SDK1: variants seen among roughly 807,000 people sequenced by gnomAD.
SDK1 encodes the protein sidekick cell adhesion molecule 1, also known as protein sidekick-1.
Under a neutral mutation model 245.5 loss-of-function variants are expected in SDK1, and 157 were observed. The observed-to-expected ratio is 0.64, with a 90% CI of 0.56 to 0.73. SDK1 has a LOEUF of 0.73. Among genes scored for constraint, SDK1 ranks in the 30% least tolerant of loss-of-function variants. SDK1 has a pLI of 0.00. For synonymous variants in SDK1, 1,647 were observed against 1,278.5 expected, an observed-to-expected ratio of 1.29 and a Z score of -6.15; for missense variants, 3,583 against 3,002.3, an observed-to-expected ratio of 1.19 and a Z score of -4.52.
intron 1 of SDK1, among the ~76,000 whole-genome samples, chr7:3,357,512 G>C (rs1780837107): frequency 6.6e-6 from 1 of 151,186 alleles, no homozygotes; most frequent in African/African-American, 2.4e-5. Flanking sequence ...ACGATACCTG[G>C]CTTAATTTTT....
chr7:3,520,807 A>T (rs55933090), intron 1 of SDK1, among the ~76,000 whole-genome samples: 1 of 151,952 alleles, frequency 6.6e-6, no homozygotes, highest in African/African-American at 2.4e-5. Flanking sequence ...TGTCCTGCCT[A>T]CCTTTTTATT....
At chr7:3,580,431 G>C (rs1347659032) in intron 1 of SDK1, among the ~76,000 whole-genome samples, 1 of 152,132 alleles carries the variant, frequency 6.6e-6, no homozygotes, top group African/African-American at 2.4e-5. Context: ...TATGGTACTT[G>C]TACAAAGACA....
chr7:3,715,430 C>A (rs1562391435), intron 4 of SDK1, among the ~76,000 whole-genome samples: 1 of 152,174 alleles, frequency 6.6e-6, no homozygotes, highest in African/African-American at 2.4e-5. Context: ...CCACCAGCAA[C>A]TGATAGCCCA....
At chr7:4,163,118 G>C (rs1781268399) in intron 32 of SDK1, among the ~76,000 whole-genome samples, 1 of 152,252 alleles carries the variant, frequency 6.6e-6, no homozygotes, top group South Asian at 2.1e-4. Context: ...CTGGCCCACA[G>C]GGAGGTTCCT....
intron 4 of SDK1, among the ~76,000 whole-genome samples, chr7:3,664,037 C>A (rs1783448905): frequency 7.3e-6 from 1 of 137,890 alleles, no homozygotes; most frequent in Non-Finnish European, 1.6e-5. Context: ...TGTACCTTCA[C>A]TCTAGTTTAT....
intron 4 of SDK1, among the ~76,000 whole-genome samples, chr7:3,766,332 T>C (rs76483175): frequency 0.022 from 3,402 of 152,290 alleles, 128 homozygotes; most frequent in African/African-American, 0.079. Flanking sequence ...CAAACGTTAT[T>C]AATTGCAAAG....
chr7:3,723,826 A>G (rs1397785056), intron 4 of SDK1, among the ~76,000 whole-genome samples: 1 of 148,462 alleles, frequency 6.7e-6, no homozygotes, highest in Non-Finnish European at 1.5e-5. Flanking sequence ...GTACATATAC[A>G]TATACACGTG....
At chr7:4,040,400 A>G (rs890000940) in intron 17 of SDK1, among the ~76,000 whole-genome samples, 7 of 152,120 alleles carry the variant, frequency 4.6e-5, no homozygotes, top group Non-Finnish European at 8.8e-5. Context: ...ACTTACACAC[A>G]AGTCGAACCA....
chr7:3,828,294 A>G (rs1213131284), intron 5 of SDK1, among the ~76,000 whole-genome samples: 1 of 151,976 alleles, frequency 6.6e-6, no homozygotes, highest in Non-Finnish European at 1.5e-5. Flanking sequence ...AAATAATAAT[A>G]ATAAATAAAT....
chr7:3,378,188 GC>G (rs1256793423), intron 1 of SDK1, among the ~76,000 whole-genome samples: 3 of 152,128 alleles, frequency 2.0e-5, no homozygotes, highest in African/African-American at 7.2e-5. Context: ...TCTTTCGGGG[GC>G]TACAATTAAC....
intron 5 of SDK1, among the ~76,000 whole-genome samples, chr7:3,902,274 T>C (rs556126309): frequency 6.6e-6 from 1 of 152,316 alleles, no homozygotes; most frequent in South Asian, 2.1e-4. Flanking sequence ...CACAGGGTTC[T>C]TCCTCTCCTC....
At chr7:3,479,707 C>G (rs1025796773) in intron 1 of SDK1, among the ~76,000 whole-genome samples, 1 of 151,566 alleles carries the variant, frequency 6.6e-6, no homozygotes, top group African/African-American at 2.4e-5. Flanking sequence ...ACTAAAAATA[C>G]AAAATTTAGC....
intron 2 of SDK1, among the ~76,000 whole-genome samples, chr7:3,634,024 T>A (rs60281960): frequency 0.069 from 10,502 of 152,192 alleles, 733 homozygotes; most frequent in East Asian, 0.35. Flanking sequence ...CCTTTAGCCC[T>A]CTTCCTGGGC....
chr7:3,709,600 T>G (rs111482319), intron 4 of SDK1, among the ~76,000 whole-genome samples: 2 of 152,350 alleles, frequency 1.3e-5, no homozygotes, highest in African/African-American at 4.8e-5. Context: ...ATTCCTTCAT[T>G]GTTTCTTGGA....
chr7:4,098,307 C>T (rs146435763), intron 22 of SDK1, among the ~76,000 whole-genome samples: 26 of 152,252 alleles, frequency 1.7e-4, no homozygotes, highest in Middle Eastern at 6.8e-3. Context: ...TAGAGGTCAA[C>T]GTATATATAA....
intron 4 of SDK1, among the ~76,000 whole-genome samples, chr7:3,703,006 A>G (rs1053871900): frequency 2.6e-5 from 4 of 151,770 alleles, no homozygotes; most frequent in East Asian, 3.9e-4. Context: ...TGGTGCATCT[A>G]GAAAATATTG....
At position 4,026,868 on chromosome 7, in the gene SDK1, C is replaced by G. The variant is rs6976828; in HGVS notation, c.2602+9516C>G. On this transcript the variant is annotated intron_variant, in intron 17 of 44. Coordinates refer to ENST00000404826, the MANE Select transcript of SDK1 (RefSeq NM_152744.4). This position sits in a 1 kb window ranked among gnomAD's most constrained non-coding sequence, Gnocchi z 4.1. ...CCACCCAGCGGTGTGCGGCCGGTGACTCTACCAGGTAACGAACTCACCGCT... is the reference window on the plus strand; with the variant it reads ...CCACCCAGCGGTGTGCGGCCGGTGAGTCTACCAGGTAACGAACTCACCGCT... Among the ~76,000 whole-genome samples, 13,587 of 152,242 alleles carry G rather than the reference C, an allele frequency of 0.089. 642 individuals carry two copies. The highest frequency in any genetic ancestry group is 0.15 in the South Asian group (699 of 4,818).
intron 4 of SDK1, among the ~76,000 whole-genome samples, chr7:3,649,920 G>T (rs1782957751): frequency 6.6e-6 from 1 of 151,806 alleles, no homozygotes; most frequent in African/African-American, 2.4e-5. Context: ...AACTGAAAGA[G>T]ACTCTGACCC....
At chr7:3,904,492 A>C (rs1020547442) in intron 5 of SDK1, among the ~76,000 whole-genome samples, 26 of 151,932 alleles carry the variant, frequency 1.7e-4, no homozygotes, top group Admixed American at 1.6e-3. Context: ...CCAGGAGTTC[A>C]AGAGCAGCCT....
Sources: allele counts gnomAD v4.1 joint callset (sites outside exome capture counted in the v4.1 genomes callset), GRCh38; gene constraint gnomAD v4.1.1; non-coding constraint Gnocchi (gnomAD v3.1); transcripts MANE v1.5; gene names NCBI Gene and HGNC (gene_info 2026-07-23, HGNC 2026-07-21).